MINDY4: variants seen among roughly 807,000 people sequenced by gnomAD.
MINDY4 encodes MINDY lysine 48 deubiquitinase 4, also known as probable ubiquitin carboxyl-terminal hydrolase MINDY-4.
MINDY4 carries 68 observed loss-of-function variants against 87.0 expected under a neutral mutation model. That is an observed-to-expected ratio of 0.78 (90% CI 0.64 to 0.96). The LOEUF is 0.96. Ranked by LOEUF, MINDY4 falls within the 40% of genes least tolerant of loss-of-function variation. The pLI is 0.00. For missense variants in MINDY4, 919 were observed against 928.2 expected, an observed-to-expected ratio of 0.99 and a Z score of 0.13; for synonymous variants, 379 against 363.2, an observed-to-expected ratio of 1.04 and a Z score of -0.50.
intron 5 of MINDY4, among the ~76,000 whole-genome samples, chr7:30,809,788 A>G (rs1669297488): frequency 6.7e-6 from 1 of 149,236 alleles, no homozygotes; most frequent in African/African-American, 2.6e-5. Flanking sequence ...TCTTCGAAAA[A>G]AAAAAGGGGG....
At chr7:30,887,806 C>T (rs1429198175) in intron 17 of MINDY4, among the ~76,000 whole-genome samples, 1 of 152,230 alleles carries the variant, frequency 6.6e-6, no homozygotes, top group African/African-American at 2.4e-5. Context: ...TCAGAGAACA[C>T]TTCTGCAAAG....
At chr7:30,773,752 TC>T (rs1786715451) in intron 1 of MINDY4, among the ~76,000 whole-genome samples, 1 of 152,108 alleles carries the variant, frequency 6.6e-6, no homozygotes, top group Non-Finnish European at 1.5e-5. Context: ...ATTCCAAGCT[TC>T]CCACCTGTCA....
rs1790516089 is a variant in MINDY4 at position 30,882,912 on chromosome 7, C to T, written c.2153-9C>T. 1 of 1,613,588 alleles carries T rather than the reference C, an allele frequency of 6.2e-7. No homozygotes were observed. Among genetic ancestry groups the T allele is most frequent in the Non-Finnish European group, 8.5e-7 (1 of 1,179,818 alleles). ...GGTGACATGTGTGTGCCTCTCTCCT[C>T]CTTCCCAGACACCACCCAAACCATC... On this transcript the variant is annotated splice_polypyrimidine_tract_variant and intron_variant, in intron 16 of 17. Transcript: ENST00000265299.
At chr7:30,840,636 C>T (rs148316052) in intron 8 of MINDY4, 124 bp from the exon 9 acceptor site, 67 of 707,898 alleles carry the variant, frequency 9.5e-5, no homozygotes, top group Middle Eastern at 4.1e-4. Flanking sequence ...CATCAGAGGC[C>T]CTTCTGTTGC....
At chr7:30,772,845 ACTC>A (rs555552213) in intron 1 of MINDY4, among the ~76,000 whole-genome samples, 1 of 152,008 alleles carries the variant, frequency 6.6e-6, no homozygotes, top group Non-Finnish European at 1.5e-5. Flanking sequence ...ACTGAAAAAA[ACTC>A]TTAGAGAGGG....
At chr7:30,781,782 T>C in intron 2 of MINDY4, 195 bp from the exon 3 acceptor site, 2 of 556,264 alleles carry the variant, frequency 3.6e-6, no homozygotes, top group Non-Finnish European at 6.3e-6. Context: ...GGTAGAGATT[T>C]TGTTTTTGTC....
At chr7:30,816,582 G>A (rs1788156919) in intron 5 of MINDY4, among the ~76,000 whole-genome samples, 1 of 152,158 alleles carries the variant, frequency 6.6e-6, no homozygotes, top group African/African-American at 2.4e-5. Context: ...CCAGGAGGAT[G>A]CGGGGCCATC....
chr7:30,778,405 A>G lies in MINDY4; in HGVS notation c.64-27A>G, dbSNP rs1001543344. On this transcript the variant is annotated intron_variant, in intron 1 of 17. Transcript: ENST00000265299. ...CAGCGGGTTTTGATTTAAGATGGTA[A>G]ACAGCGATTCAGCTTTCTTCCCTCA... 2.5e-6 allele frequency: 4 copies of G among 1,614,046 alleles called. No homozygotes were observed. The Middle Eastern group carries it at 5.0e-4, about 200-fold the overall frequency.
intron 1 of MINDY4, among the ~76,000 whole-genome samples, chr7:30,773,723 C>T (rs538440208): frequency 3.3e-5 from 5 of 152,240 alleles, no homozygotes; most frequent in Admixed American, 1.3e-4. Flanking sequence ...ACCAGTACTG[C>T]GCCCTTTCTG....
intron 3 of MINDY4, among the ~76,000 whole-genome samples, chr7:30,785,412 C>G (rs530593433): frequency 6.6e-6 from 1 of 152,126 alleles, no homozygotes; most frequent in Non-Finnish European, 1.5e-5. Flanking sequence ...CTTCGCATAC[C>G]GCATGACTGT....
chr7:30,819,148 T>C (rs1390933395), intron 5 of MINDY4, among the ~76,000 whole-genome samples: 1 of 152,224 alleles, frequency 6.6e-6, no homozygotes, highest in Non-Finnish European at 1.5e-5. Context: ...CTTACTTTGC[T>C]TTCCACTGTT....
intron 5 of MINDY4, among the ~76,000 whole-genome samples, chr7:30,808,445 T>TA (rs1787883686): frequency 6.6e-6 from 1 of 152,180 alleles, no homozygotes; most frequent in Non-Finnish European, 1.5e-5. Flanking sequence ...GTGTAAACTG[T>TA]AAAAGTGTGT....
At chr7:30,799,082 C>A (rs1161305229) in intron 5 of MINDY4, among the ~76,000 whole-genome samples, 1 of 152,066 alleles carries the variant, frequency 6.6e-6, no homozygotes, top group Non-Finnish European at 1.5e-5. Flanking sequence ...TCATGCACTT[C>A]TTTGTCTTGT....
rs769242578 is a variant in MINDY4 at position 30,839,226 on chromosome 7, C to T, written c.1266C>T (p.Ser422=). 1 of 1,609,090 alleles carries T rather than the reference C, an allele frequency of 6.2e-7. No homozygotes were observed. ...AAATAAAGACCCTTCTGTTTGGTTC[C>T]AGCTTTTGCTGTTTCAATGAAGAAT... is the stretch of plus-strand genomic sequence containing the variant. The part of the protein sequence containing the change: ...AKEIKTLLFG[S]SFCCFNEEWK... The change falls in exon 8 of 18, where the codon TCC becomes TCT. Residue 422 remains serine, a synonymous_variant. Transcript: ENST00000265299.
intron 14 of MINDY4, among the ~76,000 whole-genome samples, chr7:30,874,562 C>A (rs540654619): frequency 1.3e-5 from 2 of 152,184 alleles, no homozygotes; most frequent in African/African-American, 4.8e-5. Context: ...TTGCTCCACA[C>A]GTCACTTTCT....
chr7:30,782,015 C>A lies in MINDY4; in HGVS notation c.222C>A (p.Ile74=). 1.2e-6 allele frequency: 2 copies of A among 1,614,102 alleles called. No homozygotes were observed. The highest frequency in any genetic ancestry group is 1.7e-6 in the Non-Finnish European group (2 of 1,180,004). The stretch of plus-strand genomic sequence containing the variant: ...CTCTAAAAACAAGCCTTGAACTCAT[C>A]ACCAGATACTTTCTGGATCACTTTG... ...ENPLKTSLEL[I]TRYFLDHFGN... The change falls in exon 3 of 18, where the codon ATC becomes ATA. Residue 74 remains isoleucine (I), a synonymous_variant. Transcript: ENST00000265299.
intron 5 of MINDY4, chr7:30,796,738 A>G (rs547477691): frequency 1.3e-5 from 2 of 152,234 alleles, no homozygotes; most frequent in Admixed American, 1.3e-4. Flanking sequence ...GTTAATGTTT[A>G]AAGCTTTCTT....
At position 30,875,559 on chromosome 7, in the gene MINDY4, T is replaced by C. The variant is rs1790233070; in HGVS notation, c.1874T>C (p.Leu625Pro). Residue 625 changes from leucine (L) to proline (P), a missense_variant, in exon 15 of 18, where the codon CTG (leucine) becomes CCG (proline). Physicochemically the swap from Leu to Pro is moderately conservative, Grantham distance 98. Coordinates refer to ENST00000265299, the MANE Select transcript of MINDY4 (RefSeq NM_032222.3). ...VSNVFNDVVE[L>P]DSGDGNITLL... ...AACGTTTTCAACGATGTGGTTGAGC[T>C]GGATTCTGGGGATGGGAACATCACA... The C allele has an allele frequency of 1.1e-5, 18 of 1,614,250 alleles. No homozygotes were observed. Among genetic ancestry groups the C allele is most frequent in the Non-Finnish European group, 1.5e-5 (18 of 1,180,038 alleles).
intron 9 of MINDY4, among the ~76,000 whole-genome samples, chr7:30,844,502 G>A (rs913978196): frequency 1.3e-5 from 2 of 152,272 alleles, no homozygotes; most frequent in Admixed American, 1.3e-4. Flanking sequence ...GGGTTGGGGA[G>A]GAAGAACCCT....
Sources: gnomAD v4.1 joint callset for allele counts (sites outside exome capture counted in the v4.1 genomes callset) on GRCh38, gnomAD v4.1.1 for gene constraint, MANE v1.5 for transcripts, NCBI Gene and HGNC (gene_info 2026-07-23, HGNC 2026-07-21) for gene names.